The following RAB6A variants were observed in gnomAD, a reference collection of about 807,000 sequenced individuals.
RAB6A encodes the protein RAB6A, member RAS oncogene family.
A neutral mutation model predicts 32.3 loss-of-function variants in RAB6A; 8 were observed. The observed-to-expected ratio is 0.25, with a 90% confidence interval of 0.15 to 0.45. The LOEUF (loss-of-function observed/expected upper bound fraction) is 0.45, where lower values mean the gene tolerates loss of function less well. Ranked by LOEUF, RAB6A falls within the 20% of genes least tolerant of loss-of-function variation. The pLI, the probability that RAB6A is intolerant of heterozygous loss-of-function variation, is 1.00. For synonymous variants in RAB6A, 73 were observed against 82.1 expected (o/e 0.89, Z 0.60); for missense variants, 104 against 249.4 (o/e 0.42, Z 3.93).
At chr11:73,696,427 C>T (rs1022045564) in intron 6 of RAB6A, among the ~76,000 whole-genome samples, 1 of 152,142 alleles carries the variant, frequency 6.6e-6, no homozygotes, top group Middle Eastern at 3.2e-3. Flanking sequence ...CTCCTGACCT[C>T]AGGTGATCCT....
chr11:73,714,741 G>C (rs1233344474), intron 5 of RAB6A, among the ~76,000 whole-genome samples: 1 of 152,018 alleles, frequency 6.6e-6, no homozygotes. Context: ...GCTGAGGCGG[G>C]TGGATCACGA....
At chr11:73,679,540 A>T in intron 7 of RAB6A, 114 bp downstream of exon 7, 1 of 1,314,794 alleles carries the variant, frequency 7.6e-7, no homozygotes, top group Non-Finnish European at 1.1e-6. Flanking sequence ...TATGCCTTTA[A>T]GTCATCAGTT....
At chr11:73,711,725 C>T (rs1445749431) in intron 5 of RAB6A, among the ~76,000 whole-genome samples, 1 of 152,162 alleles carries the variant, frequency 6.6e-6, no homozygotes, top group Non-Finnish European at 1.5e-5. Flanking sequence ...GGAGTATTAC[C>T]ATTCTGCATT....
chr11:73,725,908 T>G (rs1363713024), intron 2 of RAB6A, among the ~76,000 whole-genome samples: 1 of 151,924 alleles, frequency 6.6e-6, no homozygotes, highest in African/African-American at 2.4e-5. Flanking sequence ...ATCCCAGCAC[T>G]TTAGGAGGCC....
chr11:73,709,827 A>ATG (rs1223808278), intron 5 of RAB6A, among the ~76,000 whole-genome samples: 1 of 100,096 alleles, frequency 1.0e-5, no homozygotes, highest in African/African-American at 3.4e-5. Context: ...TCATGCATAT[A>ATG]TATACATATA....
chr11:73,696,354 C>T (rs899350395), intron 6 of RAB6A, among the ~76,000 whole-genome samples: 3 of 152,070 alleles, frequency 2.0e-5, no homozygotes, highest in East Asian at 1.9e-4. Flanking sequence ...CCCACCACCA[C>T]ATCAAGCTAA....
chr11:73,731,687 TATATATA>T (rs1946306731), intron 1 of RAB6A, among the ~76,000 whole-genome samples: 5 of 4,106 alleles, frequency 1.2e-3, no homozygotes, highest in African/African-American at 3.1e-3. Context: ...ATAGATATTA[TATATATA>T]TATATATATA....
chr11:73,714,965 C>CAAAAAAAA (rs1362665179), intron 5 of RAB6A, among the ~76,000 whole-genome samples: 11 of 151,316 alleles, frequency 7.3e-5, no homozygotes, highest in African/African-American at 2.4e-4. Context: ...GACTCCATCC[C>CAAAAAAAA]AAAAAAAGAA....
chr11:73,727,831 T>TA (rs1483697284), intron 2 of RAB6A, among the ~76,000 whole-genome samples: 1 of 152,210 alleles, frequency 6.6e-6, no homozygotes, highest in Non-Finnish European at 1.5e-5. Flanking sequence ...TTAATCAGAT[T>TA]AACATTTGCT....
intron 1 of RAB6A, among the ~76,000 whole-genome samples, chr11:73,740,003 G>A (rs1946468961): frequency 6.6e-6 from 1 of 151,102 alleles, no homozygotes; most frequent in African/African-American, 2.4e-5. Flanking sequence ...AGGTTGCAGT[G>A]AGCCGAGACT....
At chr11:73,713,337 A>G (rs1038497581) in intron 5 of RAB6A, among the ~76,000 whole-genome samples, 21 of 152,164 alleles carry the variant, frequency 1.4e-4, no homozygotes, top group African/African-American at 3.9e-4. Flanking sequence ...TTGGGAGACC[A>G]AGGCAGGTGG....
At chr11:73,715,353 T>C (rs112002449) in intron 5 of RAB6A, among the ~76,000 whole-genome samples, 1,637 of 152,306 alleles carry the variant, frequency 0.011, 25 homozygotes, top group African/African-American at 0.035. Context: ...CTTGAACTCC[T>C]GACCTCGTGT....
In RAB6A at chr11:73,676,081, C is replaced by T. The variant is rs537108711; in HGVS notation, c.*1817G>A. ...CATTTCTCTATTCAGATCCATAATCCAAGTGCTCTCTGAATATTACAAGGT... is the reference window on the plus strand; with the variant it reads ...CATTTCTCTATTCAGATCCATAATCTAAGTGCTCTCTGAATATTACAAGGT... On this transcript the variant is annotated 3_prime_UTR_variant, in exon 8 of 8. Transcript: ENST00000336083. 2 of 167,004 alleles carry T rather than the reference C, an allele frequency of 1.2e-5. No homozygotes were observed. The highest frequency in any genetic ancestry group is 6.5e-5 in the Admixed American group (1 of 15,278). 10.3% of individuals were successfully genotyped at this position (167,004 alleles called of 1,614,324 possible).
chr11:73,696,344 C>T (rs571782531), intron 6 of RAB6A, among the ~76,000 whole-genome samples: 76 of 152,050 alleles, frequency 5.0e-4, no homozygotes, highest in African/African-American at 1.8e-3. Context: ...ATTATAGGCA[C>T]CCACCACCAC....
intron 5 of RAB6A, among the ~76,000 whole-genome samples, chr11:73,708,078 C>T (rs1297018753): frequency 2.6e-5 from 4 of 152,186 alleles, no homozygotes; most frequent in Non-Finnish European, 5.9e-5. Flanking sequence ...ATGCAAGTTG[C>T]TTTCCAATTT....
intron 5 of RAB6A, among the ~76,000 whole-genome samples, chr11:73,714,205 A>ATATATATAT (rs1256971210): frequency 1.4e-3 from 86 of 62,828 alleles, no homozygotes; most frequent in African/African-American, 4.1e-3. Flanking sequence ...AAAAAAAAAA[A>ATATATATAT]AAAAATATAT....
rs1370586588 is a variant in RAB6A at position 73,682,521 on chromosome 11, G to A, written c.496-2801C>T. On this transcript the variant is annotated intron_variant, in intron 6 of 7. Coordinates refer to ENST00000336083, the MANE Select transcript of RAB6A (RefSeq NM_198896.2). ...TACTAAAAATACACAAAATTAGCTG[G>A]GCATGATGGCACATGCCTGCAGTCC... 2.0e-5 allele frequency among the ~76,000 whole-genome samples: 3 copies of A among 152,078 alleles called. No homozygotes were observed. In the East Asian group the frequency reaches 5.8e-4, roughly 29 times the overall value.
At chr11:73,710,308 T>G (rs1002195667) in intron 5 of RAB6A, among the ~76,000 whole-genome samples, 5 of 146,584 alleles carry the variant, frequency 3.4e-5, no homozygotes, top group African/African-American at 1.3e-4. Flanking sequence ...TAATCTTATA[T>G]CTGTATTTCC....
chr11:73,682,857 A>T (rs1945381916), intron 6 of RAB6A, among the ~76,000 whole-genome samples: 2 of 152,168 alleles, frequency 1.3e-5, no homozygotes, highest in African/African-American at 2.4e-5. Context: ...TAAAAGTTTA[A>T]TAATATAAGG....
Sources: allele counts gnomAD v4.1 joint callset (sites outside exome capture counted in the v4.1 genomes callset), GRCh38; gene constraint gnomAD v4.1.1; transcripts MANE v1.5; gene names NCBI Gene and HGNC (gene_info 2026-07-23, HGNC 2026-07-21).